Variants in TRIM36 observed in about 807,000 individuals in gnomAD.
TRIM36 encodes E3 ubiquitin-protein ligase TRIM36.
TRIM36 carries 42 observed loss-of-function variants against 72.4 expected under a neutral mutation model. The ratio of observed to expected loss-of-function variants is 0.58; its 90% CI spans 0.45 to 0.75. The LOEUF (loss-of-function observed/expected upper bound fraction) is 0.75. Ranked by LOEUF, TRIM36 falls within the 30% of genes least tolerant of loss-of-function variation. TRIM36 has a pLI of 0.00. For synonymous variants in TRIM36, 315 were observed against 282.8 expected, an observed-to-expected ratio of 1.11 and a Z score of -1.14; for missense variants, 913 against 857.1, an observed-to-expected ratio of 1.07 and a Z score of -0.81.
At chr5:115,148,973 C>T (rs1321686309) in intron 2 of TRIM36, 2 of 152,056 alleles carry the variant, frequency 1.3e-5, no homozygotes, top group African/African-American at 4.8e-5. Flanking sequence ...TAGCAATCAG[C>T]CCATAATAAT....
rs557325686 is a variant in TRIM36, at chr5:115,178,633, C to T, written c.63+1342G>A. On this transcript the variant is annotated intron_variant, in intron 1 of 9. Coordinates refer to the TRIM36 transcript ENST00000282369. ...TATACTGGACAGTGTGTGCTGAAGG[C>T]CCCTTGAGGTGCAGGATGGAGTCTG... Among the ~76,000 whole-genome samples, 13 of 152,278 alleles carry T rather than the reference C, an allele frequency of 8.5e-5. No individual in the cohort carries two copies. The South Asian group carries it at 2.7e-3, about 32-fold the overall frequency.
chr5:115,131,027 T>C (rs557141242), intron 8 of TRIM36, 138 bp from the exon 9 acceptor site: 1 of 942,586 alleles, frequency 1.1e-6, no homozygotes, highest in Non-Finnish European at 1.5e-6. Context: ...CGGACAACTA[T>C]GACAAACCAA....
At chr5:115,157,467 G>A (rs1754236495) in intron 2 of TRIM36, among the ~76,000 whole-genome samples, 1 of 152,122 alleles carries the variant, frequency 6.6e-6, no homozygotes, top group South Asian at 2.1e-4. Context: ...AGGGGGCTGA[G>A]GCAGGAGAAT....
chr5:115,159,771 A>C (rs59813245), intron 2 of TRIM36: 7,866 of 412,906 alleles, frequency 0.019, 133 homozygotes, highest in African/African-American at 0.049. Flanking sequence ...TCCTGAAAAT[A>C]ATACAATTAT....
chr5:115,126,124 A>T lies in TRIM36; in HGVS notation c.*379T>A. On this transcript the variant is annotated 3_prime_UTR_variant, in exon 10 of 10. Coordinates refer to ENST00000513154, the MANE Select transcript of TRIM36 (RefSeq NM_001300759.2). ...TATCTTCTCTTAGGACATAAACATG[A>T]TATAAAAATGAAAAGTCAAACAGAA... The T allele has an allele frequency of 5.6e-6, 1 of 179,734 alleles. No individual in the cohort carries two copies. Among genetic ancestry groups the T allele is most frequent in the South Asian group, 1.5e-4 (1 of 6,724 alleles). 11.1% of individuals were successfully genotyped at this position (179,734 alleles called of 1,614,324 possible). A position where few individuals can be genotyped will look rare whatever the true frequency, so the allele number is the denominator to read the frequency against.
rs1752302275 is a variant in TRIM36 at position 115,124,797 on chromosome 5, C to A, written c.*1706G>T. On this transcript the variant is annotated 3_prime_UTR_variant, in exon 10 of 10. Transcript: ENST00000513154. ...TTTTTTATTAAAAATGAAAGAAACACAGCTAAACAATTTATTTACAATTGC... is the reference window on the plus strand; with the variant it reads ...TTTTTTATTAAAAATGAAAGAAACAAAGCTAAACAATTTATTTACAATTGC... 6.6e-6 allele frequency: 1 copy of A among 152,320 alleles called. No individual in the cohort carries two copies. Among genetic ancestry groups the A allele is most frequent in the Admixed American group, 6.6e-5 (1 of 15,252 alleles). The allele number at this position is 152,320 out of a possible 1,614,324, so 9.4% of individuals were successfully genotyped here.
chr5:115,147,463 T>C, intron 2 of TRIM36, 69 bp from the exon 3 acceptor site: 1 of 1,509,626 alleles, frequency 6.6e-7, no homozygotes, highest in East Asian at 2.3e-5. Context: ...AAAAGAGGAG[T>C]CATGTCTTAG....
intron 3 of TRIM36, among the ~76,000 whole-genome samples, chr5:115,146,318 C>A (rs1753591966): frequency 6.6e-6 from 1 of 151,994 alleles, no homozygotes; most frequent in Admixed American, 6.6e-5. Context: ...TTTTTTATTA[C>A]AAATTAAAGG....
intron 7 of TRIM36, 97 bp from the exon 8 acceptor site, chr5:115,134,244 A>C: frequency 9.3e-7 from 1 of 1,074,858 alleles, no homozygotes. Context: ...GTATTTAATG[A>C]TTTCTATACT....
At chr5:115,146,668 C>T (rs1753610130) in intron 3 of TRIM36, among the ~76,000 whole-genome samples, 1 of 152,072 alleles carries the variant, frequency 6.6e-6, no homozygotes, top group Non-Finnish European at 1.5e-5. Context: ...TAGCCAAATG[C>T]AACAAAAATA....
At chr5:115,155,799 TG>T (rs1754149072) in intron 2 of TRIM36, among the ~76,000 whole-genome samples, 1 of 152,192 alleles carries the variant, frequency 6.6e-6, no homozygotes, top group South Asian at 2.1e-4. Flanking sequence ...AATATAGTAC[TG>T]GAAGTCCTAG....
intron 2 of TRIM36, chr5:115,148,415 C>CAT: frequency 2.0e-6 from 1 of 505,544 alleles, no homozygotes; most frequent in Non-Finnish European, 2.3e-6. Context: ...TAAATCTGTT[C>CAT]TTTTTTTTTT....
chr5:115,163,210 G>A (rs1275209753), intron 2 of TRIM36, among the ~76,000 whole-genome samples: 1 of 152,058 alleles, frequency 6.6e-6, no homozygotes, highest in Non-Finnish European at 1.5e-5. Flanking sequence ...ACCCGACATG[G>A]CCTCCCAAAG....
intron 1 of TRIM36, among the ~76,000 whole-genome samples, chr5:115,176,941 G>C (rs1487566775): frequency 6.6e-6 from 1 of 152,170 alleles, no homozygotes; most frequent in East Asian, 1.9e-4. Context: ...ATGCAGTATT[G>C]TTTGATGAGC....
At chr5:115,129,534 G>T (rs1752539208) in intron 9 of TRIM36, among the ~76,000 whole-genome samples, 1 of 152,152 alleles carries the variant, frequency 6.6e-6, no homozygotes, top group South Asian at 2.1e-4. Context: ...CTCCAGCCTG[G>T]TCAACAAGAG....
In TRIM36 at chr5:115,177,478, C is replaced by T. The variant is rs1191192631; in HGVS notation, c.63+2497G>A. On this transcript the variant is annotated intron_variant, in intron 1 of 9. Transcript: ENST00000282369. The stretch of plus-strand genomic sequence containing the variant: ...CCCATTATTCTTTACATTACAAACC[C>T]GAACTACAAAGTGGAACCGAACCCC... 7.5e-6 allele frequency: 9 copies of T among 1,195,666 alleles called. No homozygotes were observed. The Admixed American group carries it at 1.0e-4, about 14-fold the overall frequency. The allele number at this position is 1,195,666 out of a possible 1,614,324, so 74.1% of individuals were successfully genotyped here.
intron 7 of TRIM36, among the ~76,000 whole-genome samples, chr5:115,134,416 A>C (rs969729850): frequency 1.3e-5 from 2 of 152,140 alleles, no homozygotes; most frequent in African/African-American, 4.8e-5. Flanking sequence ...ATTTTTTTTA[A>C]CCACATGCCT....
At chr5:115,151,287 C>T (rs149199504) in intron 2 of TRIM36, among the ~76,000 whole-genome samples, 1 of 152,246 alleles carries the variant, frequency 6.6e-6, no homozygotes, top group Non-Finnish European at 1.5e-5. Flanking sequence ...ACCTGCATGA[C>T]ACAGCAGAGG....
chr5:115,131,005 G>C, intron 8 of TRIM36, 116 bp from the exon 9 acceptor site: 1 of 1,172,420 alleles, frequency 8.5e-7, no homozygotes, highest in Non-Finnish European at 1.2e-6. Flanking sequence ...GGAAGGAGGT[G>C]TCACACTACC....
Sources: gnomAD v4.1 joint callset for allele counts (sites outside exome capture counted in the v4.1 genomes callset) on GRCh38, gnomAD v4.1.1 for gene constraint, MANE v1.5 for transcripts, NCBI Gene and HGNC (gene_info 2026-07-23, HGNC 2026-07-21) for gene names.